The following ROBO2 variants were observed in gnomAD, a reference collection of about 807,000 sequenced individuals.
The protein encoded by ROBO2 is roundabout homolog 2.
A neutral mutation model predicts 160.8 loss-of-function variants in ROBO2; 53 were observed. That is an observed-to-expected ratio of 0.33 (90% confidence interval 0.26 to 0.41). ROBO2 has a LOEUF of 0.41. Among genes scored for constraint, ROBO2 ranks in the 10% least tolerant of loss-of-function variants. The pLI, the probability that ROBO2 is intolerant of heterozygous loss-of-function variation, is 1.00. For missense variants in ROBO2, 1,577 were observed against 1,722.4 expected (o/e 0.92, Z 1.49); for synonymous variants, 664 against 611.7 (o/e 1.09, Z -1.26).
intron 2 of ROBO2, among the ~76,000 whole-genome samples, chr3:77,018,905 G>A (rs1048390272): frequency 4.6e-5 from 7 of 152,072 alleles, no homozygotes; most frequent in African/African-American, 1.2e-4. Flanking sequence ...TAATCTGGCC[G>A]CATTGCCTGT....
At chr3:77,500,619 C>A (rs2087451602) in intron 5 of ROBO2, among the ~76,000 whole-genome samples, 1 of 152,142 alleles carries the variant, frequency 6.6e-6, no homozygotes. Context: ...AAAATTTAAA[C>A]TTAGAACAGT....
chr3:76,475,470 T>A (rs1267055478), intron 2 of ROBO2, among the ~76,000 whole-genome samples: 1 of 152,054 alleles, frequency 6.6e-6, no homozygotes, highest in African/African-American at 2.4e-5. Context: ...ACAGAAAAAC[T>A]TACATTATCT....
At chr3:76,100,835 C>T (rs962096250) in intron 2 of ROBO2, among the ~76,000 whole-genome samples, 9 of 152,106 alleles carry the variant, frequency 5.9e-5, no homozygotes, top group Admixed American at 5.9e-4. Flanking sequence ...CTCTTCAATA[C>T]TGGGTTAAGT....
At chr3:76,803,005 G>T (rs1345186647) in intron 2 of ROBO2, among the ~76,000 whole-genome samples, 4 of 152,076 alleles carry the variant, frequency 2.6e-5, no homozygotes, top group Non-Finnish European at 5.9e-5. Context: ...CAAGATCATG[G>T]ATAAATACAA....
intron 2 of ROBO2, among the ~76,000 whole-genome samples, chr3:76,067,009 T>C (rs2068275193): frequency 6.6e-6 from 1 of 152,172 alleles, no homozygotes; most frequent in Non-Finnish European, 1.5e-5. Context: ...AAAGACACTT[T>C]CCATGGACAA....
chr3:76,463,304 G>C (rs1257101999), intron 2 of ROBO2, among the ~76,000 whole-genome samples: 3 of 151,968 alleles, frequency 2.0e-5, no homozygotes, highest in African/African-American at 7.3e-5. Flanking sequence ...CCTAGAAAGA[G>C]AGGTCGATTT....
intron 2 of ROBO2, among the ~76,000 whole-genome samples, chr3:76,573,542 T>G (rs2108625039): frequency 6.6e-6 from 1 of 151,662 alleles, no homozygotes; most frequent in Non-Finnish European, 1.5e-5. Flanking sequence ...TTTTTTTTGC[T>G]TATAGGATGT....
intron 2 of ROBO2, among the ~76,000 whole-genome samples, chr3:76,219,116 A>G: frequency 6.6e-6 from 1 of 152,244 alleles, no homozygotes. Flanking sequence ...CCATATGTAG[A>G]AAGTTGAAAC....
intron 2 of ROBO2, among the ~76,000 whole-genome samples, chr3:76,836,913 AC>A (rs2109435642): frequency 6.6e-6 from 1 of 151,954 alleles, no homozygotes; most frequent in Non-Finnish European, 1.5e-5. Context: ...TGATGACGTT[AC>A]TTGCATCTTA....
chr3:77,390,241 C>A (rs1046193045), intron 2 of ROBO2, among the ~76,000 whole-genome samples: 2 of 152,104 alleles, frequency 1.3e-5, no homozygotes, highest in South Asian at 4.2e-4. Flanking sequence ...TGGTTACTCT[C>A]CTCCTGGAAA....
chr3:77,368,014 G>A (rs991797334), intron 2 of ROBO2, among the ~76,000 whole-genome samples: 2 of 152,136 alleles, frequency 1.3e-5, no homozygotes, highest in Admixed American at 6.6e-5. Flanking sequence ...TTTATAAATA[G>A]TGGAGTGTTT....
chr3:76,373,951 G>A (rs1416036661), intron 2 of ROBO2, among the ~76,000 whole-genome samples: 2 of 151,906 alleles, frequency 1.3e-5, no homozygotes, highest in African/African-American at 4.8e-5. Flanking sequence ...GGCTAATGAA[G>A]GTGGCTATAC....
chr3:75,909,141 T>C (rs149507122), intron 1 of ROBO2, among the ~76,000 whole-genome samples: 11 of 152,344 alleles, frequency 7.2e-5, no homozygotes, highest in Non-Finnish European at 1.3e-4. Flanking sequence ...TACTTTGGTG[T>C]CTGACACGGG....
chr3:76,353,081 C>T (rs1171040198), intron 2 of ROBO2, among the ~76,000 whole-genome samples: 6 of 151,948 alleles, frequency 3.9e-5, no homozygotes, highest in Admixed American at 3.3e-4. Context: ...GCATTGTACA[C>T]ATGGATTAAT....
intron 2 of ROBO2, among the ~76,000 whole-genome samples, chr3:77,370,357 C>G (rs1237335066): frequency 6.6e-6 from 1 of 152,176 alleles, no homozygotes; most frequent in Non-Finnish European, 1.5e-5. Context: ...GTAAATGAAC[C>G]TGATCATCTC....
intron 2 of ROBO2, among the ~76,000 whole-genome samples, chr3:76,826,487 C>T (rs994907495): frequency 2.0e-5 from 3 of 152,044 alleles, no homozygotes; most frequent in Middle Eastern, 3.2e-3. Context: ...ATGGCAAGTG[C>T]TCAGGTAATG....
chr3:76,046,476 C>T (rs1261480313), intron 2 of ROBO2, among the ~76,000 whole-genome samples: 2 of 151,674 alleles, frequency 1.3e-5, no homozygotes, highest in Admixed American at 6.6e-5. Context: ...GGTGAAGCCC[C>T]GTCTCTACTA....
intron 2 of ROBO2, among the ~76,000 whole-genome samples, chr3:76,025,474 T>A (rs2066711727): frequency 6.6e-6 from 1 of 151,748 alleles, no homozygotes; most frequent in South Asian, 2.1e-4. Flanking sequence ...TTGAAAACAT[T>A]GACACTATAG....
chr3:76,039,301 T>C (rs921150533), intron 2 of ROBO2, among the ~76,000 whole-genome samples: 7 of 151,872 alleles, frequency 4.6e-5, no homozygotes, highest in African/African-American at 1.7e-4. Flanking sequence ...TGAAGGGTGA[T>C]GGGTTGAATT....
Sources: allele counts gnomAD v4.1 joint callset (sites outside exome capture counted in the v4.1 genomes callset), GRCh38; gene constraint gnomAD v4.1.1; transcripts MANE v1.5; gene names NCBI Gene and HGNC (gene_info 2026-07-23, HGNC 2026-07-21).